Variants in FTO observed in about 807,000 individuals in gnomAD.
The protein encoded by FTO is FTO alpha-ketoglutarate dependent dioxygenase.
Under a neutral mutation model 63.9 loss-of-function variants are expected in FTO, and 47 were observed. The observed-to-expected ratio is 0.74, with a 90% confidence interval of 0.58 to 0.94. The LOEUF is 0.94. Among genes scored for constraint, FTO ranks in the 40% least tolerant of loss-of-function variants. The pLI is 0.00. For synonymous variants in FTO, 207 were observed against 224.4 expected, an observed-to-expected ratio of 0.92 and a Z score of 0.69; for missense variants, 562 against 618.1, an observed-to-expected ratio of 0.91 and a Z score of 0.96.
At chr16:53,922,646 T>A (rs2082034404) in intron 7 of FTO, among the ~76,000 whole-genome samples, 1 of 152,190 alleles carries the variant, frequency 6.6e-6, no homozygotes, top group African/African-American at 2.4e-5. Context: ...CCCCTCAGAC[T>A]GAAAGTAACA....
rs115469806 is a variant in FTO at position 53,879,682 on chromosome 16, T to A, written c.976-162T>A. On this transcript the variant is annotated intron_variant, in intron 5 of 8. Coordinates refer to ENST00000471389, the MANE Select transcript of FTO (RefSeq NM_001080432.3). ...GCTTGGGTGACACAGCAAGACCCTA[T>A]CTCAAAATTAAAAAAAAAAAAAAAA... Among the ~76,000 whole-genome samples, 594 of 111,836 alleles carry A rather than the reference T, an allele frequency of 5.3e-3. 6 individuals are homozygous for A. The highest frequency in any genetic ancestry group is 0.02 in the African/African-American group (571 of 27,996). The allele number at this position is 111,836 out of a possible 152,430, so 73.4% of individuals were successfully genotyped here. A position where few individuals can be genotyped will look rare whatever the true frequency, so the allele number is the denominator to read the frequency against.
chr16:54,115,340 C>G lies in FTO; in HGVS notation c.*3425C>G, dbSNP rs1449263471. The G allele has an allele frequency of 6.6e-6, 1 of 152,440 alleles. No individual in the cohort carries two copies. Among genetic ancestry groups the G allele is most frequent in the Non-Finnish European group, 1.5e-5 (1 of 68,108 alleles). The allele number at this position is 152,440 out of a possible 1,614,324, so 9.4% of individuals were successfully genotyped here. ...ATGAGGCAAGCCTGGGGACCCAAGA[C>G]AGATCTCTGCCTCCCAGGCTAGTGG... On this transcript the variant is annotated 3_prime_UTR_variant, in exon 9 of 9. Coordinates refer to ENST00000471389, the MANE Select transcript of FTO (RefSeq NM_001080432.3).
chr16:53,972,627 A>G (rs2083350069), intron 8 of FTO, among the ~76,000 whole-genome samples: 1 of 152,208 alleles, frequency 6.6e-6, no homozygotes, highest in African/African-American at 2.4e-5. Flanking sequence ...ACTTTCAGCT[A>G]TCACATTTTC....
rs1197910247 is a variant in FTO, at chr16:53,823,100, C to T, written c.124-2764C>T. On this transcript the variant is annotated intron_variant, in intron 2 of 8. Coordinates refer to ENST00000471389, the MANE Select transcript of FTO (RefSeq NM_001080432.3). ...ACTTCCTCCTCTTTCATTCCATCTT[C>T]GCCTACTCCAATCTGACTTTCACCC... Among the ~76,000 whole-genome samples the T allele has an allele frequency of 2.6e-5, 4 of 152,262 alleles. No homozygotes were observed. In the South Asian group the frequency reaches 6.2e-4, roughly 24 times the overall value.
chr16:53,783,087 G>A (rs1054012166), intron 1 of FTO, among the ~76,000 whole-genome samples: 2 of 152,152 alleles, frequency 1.3e-5, no homozygotes, highest in African/African-American at 2.4e-5. Context: ...GCACAGGTAC[G>A]AATGAGATAT....
chr16:53,818,348 T>A (rs1017907319), intron 2 of FTO, among the ~76,000 whole-genome samples: 2 of 152,186 alleles, frequency 1.3e-5, no homozygotes, highest in Non-Finnish European at 2.9e-5. Flanking sequence ...TTGTTTTCAC[T>A]GTGGTAGACT....
rs760195364 is a variant in FTO, at chr16:53,704,169, C to T, written c.-16C>T. On this transcript the variant is annotated 5_prime_UTR_variant, in exon 1 of 9. Coordinates refer to ENST00000471389, the MANE Select transcript of FTO (RefSeq NM_001080432.3). ...TCTACGCAGCTTGCGGTGGCGAAGGCGGCTTTAGTGGCAGCATGAAGCGCA... is the reference window on the plus strand; with the variant it reads ...TCTACGCAGCTTGCGGTGGCGAAGGTGGCTTTAGTGGCAGCATGAAGCGCA... The T allele has an allele frequency of 1.2e-5, 18 of 1,551,420 alleles. No individual in the cohort carries two copies. The highest frequency in any genetic ancestry group is 1.6e-5 in the Non-Finnish European group (18 of 1,146,870).
At chr16:53,753,259 A>C (rs905428520) in intron 1 of FTO, among the ~76,000 whole-genome samples, 6 of 151,850 alleles carry the variant, frequency 4.0e-5, no homozygotes, top group Non-Finnish European at 5.9e-5. Flanking sequence ...TCTCAAAAAA[A>C]AAAAAAAAAC....
intron 2 of FTO, chr16:53,814,781 A>G (rs535235566): frequency 2.0e-5 from 3 of 152,270 alleles, no homozygotes; most frequent in Admixed American, 1.3e-4. Flanking sequence ...CTAACTCAAC[A>G]TGATTCATAT....
chr16:53,987,999 T>A (rs1392033838), intron 8 of FTO, among the ~76,000 whole-genome samples: 1 of 152,210 alleles, frequency 6.6e-6, no homozygotes, highest in East Asian at 1.9e-4. Flanking sequence ...GGGATTGAAC[T>A]TAGAAAATTA....
At chr16:53,931,180 G>C (rs1026607023) in intron 7 of FTO, among the ~76,000 whole-genome samples, 1 of 151,972 alleles carries the variant, frequency 6.6e-6, no homozygotes, top group Non-Finnish European at 1.5e-5. Context: ...TCACAGGGGG[G>C]AAAAATTTTG....
intron 1 of FTO, among the ~76,000 whole-genome samples, chr16:53,784,187 C>A (rs1344893701): frequency 6.6e-6 from 1 of 152,188 alleles, no homozygotes; most frequent in African/African-American, 2.4e-5. Context: ...ATTCTATGTA[C>A]TTTTCAGCAC....
At chr16:54,106,138 G>A (rs1301355380) in intron 8 of FTO, among the ~76,000 whole-genome samples, 1 of 152,080 alleles carries the variant, frequency 6.6e-6, no homozygotes, top group African/African-American at 2.4e-5. Context: ...TTTAGCTAAA[G>A]TGGTTAATTT....
At chr16:53,883,117 C>A (rs919741094) in intron 6 of FTO, among the ~76,000 whole-genome samples, 2 of 152,148 alleles carry the variant, frequency 1.3e-5, no homozygotes, top group Non-Finnish European at 2.9e-5. Flanking sequence ...AAATTCTAAT[C>A]TCAAAATGTA....
At chr16:53,905,031 A>G (rs1323954453) in intron 7 of FTO, among the ~76,000 whole-genome samples, 1 of 152,116 alleles carries the variant, frequency 6.6e-6, no homozygotes. Flanking sequence ...AAGGACGAAA[A>G]GAGATCTCAG....
chr16:53,962,171 TAGA>T (rs2083097198), intron 8 of FTO, among the ~76,000 whole-genome samples: 1 of 152,210 alleles, frequency 6.6e-6, no homozygotes, highest in Non-Finnish European at 1.5e-5. Context: ...GTAGATTGCA[TAGA>T]AGATCATTTC....
intron 4 of FTO, among the ~76,000 whole-genome samples, chr16:53,865,747 TC>T (rs2080294707): frequency 6.6e-6 from 1 of 152,200 alleles, no homozygotes; most frequent in African/African-American, 2.4e-5. Flanking sequence ...CATTCTTGTT[TC>T]CCCTTTAGTT....
chr16:53,707,891 C>T (rs543706417), intron 1 of FTO, among the ~76,000 whole-genome samples: 1 of 152,306 alleles, frequency 6.6e-6, no homozygotes, highest in East Asian at 1.9e-4. Context: ...AATTCTACTT[C>T]CTCCCTAGGG....
chr16:54,063,550 CTA>C (rs1190730347), intron 8 of FTO: 3 of 152,084 alleles, frequency 2.0e-5, no homozygotes, highest in Non-Finnish European at 4.4e-5. Context: ...GTATGGTGTT[CTA>C]TTGTCTTTCT....
Sources: allele counts gnomAD v4.1 joint callset (sites outside exome capture counted in the v4.1 genomes callset), GRCh38; gene constraint gnomAD v4.1.1; transcripts MANE v1.5; gene names NCBI Gene and HGNC (gene_info 2026-07-23, HGNC 2026-07-21).